The following CDKAL1 variants were observed in gnomAD, a reference collection of about 807,000 sequenced individuals.
The protein encoded by CDKAL1 is CDKAL1 threonylcarbamoyladenosine tRNA methylthiotransferase.
Under a neutral mutation model 68.2 loss-of-function variants are expected in CDKAL1, and 32 were observed. The observed-to-expected ratio is 0.47, with a 90% CI of 0.35 to 0.63. CDKAL1 has a LOEUF of 0.63. CDKAL1 is among the 30% of genes least tolerant of loss of function. CDKAL1 has a pLI of 0.00. For synonymous variants in CDKAL1, 234 were observed against 244.3 expected, an observed-to-expected ratio of 0.96 and a Z score of 0.39; for missense variants, 606 against 696.7, an observed-to-expected ratio of 0.87 and a Z score of 1.47.
chr6:20,548,079 GA>G (rs1316616022), intron 3 of CDKAL1, among the ~76,000 whole-genome samples: 3 of 152,158 alleles, frequency 2.0e-5, no homozygotes, highest in African/African-American at 7.2e-5. Context: ...TAACTTTTTA[GA>G]ATTCTGTGGT....
rs541649362 is a variant in CDKAL1, at chr6:21,102,918, G to A, written c.1237-5483G>A. Among the ~76,000 whole-genome samples, 7 of 152,322 alleles carry A rather than the reference G, an allele frequency of 4.6e-5. No homozygotes were observed. The South Asian group carries it at 1.4e-3, about 32-fold the overall frequency. On this transcript the variant is annotated intron_variant, in intron 12 of 15. Coordinates refer to ENST00000274695, the MANE Select transcript of CDKAL1 (RefSeq NM_017774.3). ...ACTTAGGCTCTCTACCAGAAAGGGA[G>A]CAGGAAAAATGCAGCATGCTGAAAT...
At chr6:20,638,250 G>A (rs777900680) in intron 4 of CDKAL1, among the ~76,000 whole-genome samples, 1 of 152,160 alleles carries the variant, frequency 6.6e-6, no homozygotes, top group Non-Finnish European at 1.5e-5. Flanking sequence ...GTGAAAAATA[G>A]TATTTTTTTT....
intron 12 of CDKAL1, among the ~76,000 whole-genome samples, chr6:21,107,574 T>TCCA (rs1773910752): frequency 6.6e-6 from 1 of 152,016 alleles, no homozygotes; most frequent in Admixed American, 6.6e-5. Flanking sequence ...ATTACAGGTG[T>TCCA]CCACCACCAC....
At chr6:20,921,626 A>G (rs1762961380) in intron 9 of CDKAL1, among the ~76,000 whole-genome samples, 1 of 152,160 alleles carries the variant, frequency 6.6e-6, no homozygotes, top group Non-Finnish European at 1.5e-5. Flanking sequence ...CCTGTGGTGC[A>G]TCCTAGTTTC....
chr6:21,197,538 C>G (rs1463973807), intron 13 of CDKAL1, among the ~76,000 whole-genome samples: 1 of 152,202 alleles, frequency 6.6e-6, no homozygotes, highest in African/African-American at 2.4e-5. Context: ...GTCCTAATGA[C>G]TAGTTTTCCG....
At chr6:20,642,983 C>G (rs1358692134) in intron 4 of CDKAL1, among the ~76,000 whole-genome samples, 5 of 152,180 alleles carry the variant, frequency 3.3e-5, no homozygotes, top group African/African-American at 9.7e-5. Context: ...TAGATTCCAT[C>G]TGTCTAGCCT....
intron 9 of CDKAL1, among the ~76,000 whole-genome samples, chr6:20,888,958 A>C (rs987850049): frequency 3.3e-5 from 5 of 152,212 alleles, no homozygotes; most frequent in Admixed American, 2.6e-4. Flanking sequence ...TGACTTGCAC[A>C]ATGGTTGAAC....
At chr6:20,733,368 A>C (rs1773043602) in intron 5 of CDKAL1, among the ~76,000 whole-genome samples, 1 of 152,184 alleles carries the variant, frequency 6.6e-6, no homozygotes, top group Admixed American at 6.5e-5. Flanking sequence ...TGTGTCTGGC[A>C]TGTGATACAT....
At chr6:20,919,401 AC>A in intron 9 of CDKAL1, among the ~76,000 whole-genome samples, 1 of 152,160 alleles carries the variant, frequency 6.6e-6, no homozygotes, top group Non-Finnish European at 1.5e-5. Flanking sequence ...TTTGTTTAAT[AC>A]TTAAGTTCTG....
intron 4 of CDKAL1, among the ~76,000 whole-genome samples, chr6:20,612,990 TACACACACACAC>T (rs55999857): frequency 0.17 from 22,209 of 129,910 alleles, 1,948 homozygotes; most frequent in Admixed American, 0.21. Context: ...TTGCAATTTC[TACACACACACAC>T]ACACACACAC....
intron 12 of CDKAL1, among the ~76,000 whole-genome samples, chr6:21,079,481 T>C (rs1021217669): frequency 1.3e-5 from 2 of 152,244 alleles, no homozygotes; most frequent in African/African-American, 4.8e-5. Context: ...TAGATACGTC[T>C]TCTTCTTTTG....
At chr6:20,856,005 A>C (rs1759314463) in intron 9 of CDKAL1, among the ~76,000 whole-genome samples, 1 of 152,178 alleles carries the variant, frequency 6.6e-6, no homozygotes, top group African/African-American at 2.4e-5. Flanking sequence ...GCTTTGATTG[A>C]GTGCAAATCC....
At chr6:20,857,473 T>A (rs1759395782) in intron 9 of CDKAL1, among the ~76,000 whole-genome samples, 2 of 152,176 alleles carry the variant, frequency 1.3e-5, no homozygotes, top group Non-Finnish European at 2.9e-5. Flanking sequence ...AAAAGTAGAT[T>A]TTAAACACCT....
At chr6:20,934,740 G>A (rs575461214) in intron 9 of CDKAL1, among the ~76,000 whole-genome samples, 12 of 152,020 alleles carry the variant, frequency 7.9e-5, no homozygotes, top group East Asian at 3.9e-4. Context: ...CCAGCTACTC[G>A]GGAGGCTGAG....
chr6:20,686,866 G>T (rs1398529411), intron 5 of CDKAL1, among the ~76,000 whole-genome samples: 1 of 152,054 alleles, frequency 6.6e-6, no homozygotes, highest in Non-Finnish European at 1.5e-5. Flanking sequence ...TCTATATCTC[G>T]TTCACTGAGA....
rs375884217 is a variant in CDKAL1, at chr6:20,871,323, A to G, written c.742+25145A>G. On this transcript the variant is annotated intron_variant, in intron 9 of 15. Coordinates refer to ENST00000274695, the MANE Select transcript of CDKAL1 (RefSeq NM_017774.3). ...TAATTTCAAAGTATTGTATATTTCA[A>G]GATACCTGAAATAATTGTAATATGA... Among the ~76,000 whole-genome samples, 41 of 152,304 alleles carry G rather than the reference A, an allele frequency of 2.7e-4. No individual in the cohort carries two copies. In the East Asian group the frequency reaches 4.6e-3, roughly 17 times the overall value.
intron 12 of CDKAL1, 121 bp from the exon 13 acceptor site, chr6:21,108,280 T>TA (rs77019216): frequency 0.078 from 35,171 of 452,722 alleles, 9 homozygotes; most frequent in Middle Eastern, 0.1. Flanking sequence ...AAGAATCTCT[T>TA]AAAAAAAAAA....
In CDKAL1 at chr6:21,065,137, A is replaced by C. The variant is rs148884623; in HGVS notation, c.1145A>C (p.Glu382Ala). 1 of 1,609,170 alleles carries C rather than the reference A, an allele frequency of 6.2e-7. No individual in the cohort carries two copies. Among genetic ancestry groups the C allele is most frequent in the African/African-American group, 1.3e-5 (1 of 74,756 alleles). The part of the protein sequence containing the change: ...QDFQETVKLV[E>A]EYKFPSLFIN... ...TTTCAAGAAACAGTGAAACTTGTTG[A>C]AGAGTACAAATTCCCAAGCCTGTTT... Residue 382 changes from glutamate (E) to alanine (A), a missense_variant, in exon 12 of 16, where the codon GAA becomes GCA. Physicochemically the swap from Glu to Ala is moderately radical, Grantham distance 107 (BLOSUM62 -1). Transcript: ENST00000274695.
At chr6:20,837,910 A>G (rs1396901906) in intron 8 of CDKAL1, among the ~76,000 whole-genome samples, 1 of 148,050 alleles carries the variant, frequency 6.8e-6, no homozygotes, top group East Asian at 2.0e-4. Flanking sequence ...GACATAGAGA[A>G]CAGTTAGGGG....
Sources: allele counts gnomAD v4.1 joint callset (sites outside exome capture counted in the v4.1 genomes callset), GRCh38; gene constraint gnomAD v4.1.1; transcripts MANE v1.5; gene names NCBI Gene and HGNC (gene_info 2026-07-23, HGNC 2026-07-21).